SCN11A: variants seen among roughly 807,000 people sequenced by gnomAD.
SCN11A encodes sodium channel protein type 11 subunit alpha.
In SCN11A, 122 loss-of-function variants were observed where a neutral mutation model predicts 162.2. The ratio of observed to expected loss-of-function variants is 0.75; its 90% CI spans 0.65 to 0.87. SCN11A has a LOEUF of 0.87. Among genes scored for constraint, SCN11A ranks in the 40% least tolerant of loss-of-function variants. SCN11A has a pLI of 0.00. For missense variants in SCN11A, 2,015 were observed against 2,181.6 expected (o/e 0.92, Z 1.52); for synonymous variants, 758 against 751.5 (o/e 1.01, Z -0.14).
At chr3:38,857,127 T>G (rs1184564231) in intron 28 of SCN11A, among the ~76,000 whole-genome samples, 4 of 152,132 alleles carry the variant, frequency 2.6e-5, no homozygotes, top group Admixed American at 2.6e-4. Context: ...CATACTAGCT[T>G]CTCAGCAATG....
intron 3 of SCN11A, among the ~76,000 whole-genome samples, chr3:38,958,963 T>G (rs1445043145): frequency 6.6e-6 from 1 of 152,218 alleles, no homozygotes; most frequent in Non-Finnish European, 1.5e-5. Context: ...ACCTTATACC[T>G]TCCTTGCCTG....
At chr3:38,934,915 C>A (rs2066305656) in intron 7 of SCN11A, among the ~76,000 whole-genome samples, 1 of 151,354 alleles carries the variant, frequency 6.6e-6, no homozygotes, top group Admixed American at 6.6e-5. Context: ...CCCAAATCAA[C>A]AGAATATACA....
At chr3:38,866,884 T>A (rs1000505861) in intron 27 of SCN11A, among the ~76,000 whole-genome samples, 6 of 152,206 alleles carry the variant, frequency 3.9e-5, no homozygotes, top group Non-Finnish European at 5.9e-5. Flanking sequence ...ATAGATCTGC[T>A]GAGGCTTGGG....
intron 2 of SCN11A, among the ~76,000 whole-genome samples, chr3:38,995,970 G>C (rs1000070048): frequency 6.6e-6 from 1 of 152,172 alleles, no homozygotes; most frequent in African/African-American, 2.4e-5. Flanking sequence ...TAATCTGATA[G>C]AGCTGGTACC....
intron 2 of SCN11A, among the ~76,000 whole-genome samples, chr3:38,992,588 C>T (rs2030486712): frequency 6.6e-6 from 1 of 152,212 alleles, no homozygotes; most frequent in African/African-American, 2.4e-5. Context: ...GGAAGAATCC[C>T]TTATAGCTTT....
intron 2 of SCN11A, among the ~76,000 whole-genome samples, chr3:39,025,673 A>C (rs555762877): frequency 4.6e-5 from 7 of 152,304 alleles, no homozygotes; most frequent in African/African-American, 1.7e-4. Flanking sequence ...ACCAGAGGTC[A>C]CTTTCATCGC....
At chr3:39,034,962 T>C (rs188647931) in intron 1 of SCN11A, among the ~76,000 whole-genome samples, 5 of 151,962 alleles carry the variant, frequency 3.3e-5, no homozygotes, top group Non-Finnish European at 1.5e-5. Flanking sequence ...ACACAAAAAA[T>C]AGAAAGATAT....
chr3:38,889,803 AAAATAAAATAAAAT>A (rs1303164021), intron 19 of SCN11A, among the ~76,000 whole-genome samples: 16 of 21,454 alleles, frequency 7.5e-4, no homozygotes, highest in South Asian at 1.6e-3. Context: ...CCATCTCAAA[AAAATAAAATAAAAT>A]AAAATAAAAT....
At chr3:39,003,234 A>G (rs2030870442) in intron 2 of SCN11A, among the ~76,000 whole-genome samples, 2 of 152,142 alleles carry the variant, frequency 1.3e-5, no homozygotes, top group Non-Finnish European at 2.9e-5. Context: ...CTTTGTGTTC[A>G]TAAGTTCTCA....
chr3:39,026,015 A>G (rs1324637035), intron 2 of SCN11A: 1 of 152,218 alleles, frequency 6.6e-6, no homozygotes, highest in African/African-American at 2.4e-5. Context: ...CATATACTAA[A>G]ATTAGAATGA....
intron 2 of SCN11A, among the ~76,000 whole-genome samples, chr3:38,995,819 G>GTCTATCTATCTATCTATCTA (rs373221139): frequency 0.078 from 11,056 of 141,664 alleles, 468 homozygotes; most frequent in East Asian, 0.14. Flanking sequence ...CTATCTATCT[G>GTCTATCTATCTATCTATCTA]TCTATCTATC....
At chr3:38,968,389 G>C (rs2066796018) in intron 2 of SCN11A, among the ~76,000 whole-genome samples, 2 of 152,206 alleles carry the variant, frequency 1.3e-5, no homozygotes, top group African/African-American at 4.8e-5. Context: ...CTGCCAACCT[G>C]GTGGACCAGG....
intron 28 of SCN11A, among the ~76,000 whole-genome samples, chr3:38,852,510 A>G (rs1284669063): frequency 2.0e-5 from 3 of 152,212 alleles, no homozygotes; most frequent in Non-Finnish European, 2.9e-5. Context: ...GATCAAAAAA[A>G]GCATTCTATG....
chr3:38,995,163 C>G (rs1312435651), intron 2 of SCN11A, among the ~76,000 whole-genome samples: 6 of 151,664 alleles, frequency 4.0e-5, no homozygotes, highest in Non-Finnish European at 7.4e-5. Context: ...TGGAGTCTCC[C>G]TCTGTTGCCC....
At chr3:38,897,321 T>TA (rs1341312687) in intron 17 of SCN11A, 96 bp from the exon 18 acceptor site, 2 of 1,232,800 alleles carry the variant, frequency 1.6e-6, no homozygotes, top group Non-Finnish European at 2.3e-6. Flanking sequence ...TACCCAAACT[T>TA]ATGACATCCA....
At chr3:39,047,058 AC>A (rs565404391) in intron 1 of SCN11A, among the ~76,000 whole-genome samples, 8,352 of 28,212 alleles carry the variant, frequency 0.3, 1,163 homozygotes, top group African/African-American at 0.52. Flanking sequence ...CCCCACCCCC[AC>A]CCCCACCCCC....
chr3:38,953,289 G>A (rs1426329042), intron 4 of SCN11A, among the ~76,000 whole-genome samples: 1 of 152,016 alleles, frequency 6.6e-6, no homozygotes, highest in African/African-American at 2.4e-5. Context: ...GAAAGGATCA[G>A]GAAAAATAAG....
At chr3:38,861,510 T>C (rs2064963798) in intron 28 of SCN11A, among the ~76,000 whole-genome samples, 1 of 152,068 alleles carries the variant, frequency 6.6e-6, no homozygotes, top group Non-Finnish European at 1.5e-5. Context: ...AGGCCATAGT[T>C]ACTGAAACAG....
chr3:39,018,051 C>T (rs2031343999), intron 2 of SCN11A, among the ~76,000 whole-genome samples: 2 of 152,240 alleles, frequency 1.3e-5, no homozygotes, highest in African/African-American at 2.4e-5. Flanking sequence ...AAAACTGCAA[C>T]AGCATTCATT....
Sources: allele counts gnomAD v4.1 joint callset (sites outside exome capture counted in the v4.1 genomes callset), GRCh38; gene constraint gnomAD v4.1.1; transcripts MANE v1.5; gene names NCBI Gene and HGNC (gene_info 2026-07-23, HGNC 2026-07-21).